The following TUSC3 variants were observed in gnomAD, a reference collection of about 807,000 sequenced individuals.
TUSC3 encodes dolichyl-diphosphooligosaccharide--protein glycosyltransferase subunit TUSC3.
TUSC3 carries 45 observed loss-of-function variants against 44.8 expected under a neutral mutation model. The observed-to-expected ratio is 1.00, with a 90% CI of 0.79 to 1.29. The LOEUF (loss-of-function observed/expected upper bound fraction) is 1.29, where lower values mean the gene tolerates loss of function less well. Ranked by LOEUF, TUSC3 falls within the 50% of genes most tolerant of loss-of-function variation. The pLI, the probability that TUSC3 is intolerant of heterozygous loss-of-function variation, is 0.00. For synonymous variants in TUSC3, 212 were observed against 152.9 expected, an observed-to-expected ratio of 1.39 and a Z score of -2.85; for missense variants, 519 against 437.9, an observed-to-expected ratio of 1.19 and a Z score of -1.65.
At chr8:15,425,299 C>A (rs187749214) in intron 1 of TUSC3, among the ~76,000 whole-genome samples, 9 of 152,184 alleles carry the variant, frequency 5.9e-5, no homozygotes, top group Non-Finnish European at 1.2e-4. Flanking sequence ...GTGTTGCCAA[C>A]CTCCACAGTT....
rs928722515 is a variant in TUSC3, at chr8:15,504,997, A to G, written n.189+21514A>G. ...TTCAAATGAGGTGCGGGCTTCCTAAACAATACTGTATCAACATCTATTAAA... is the reference window on the plus strand; with the variant it reads ...TTCAAATGAGGTGCGGGCTTCCTAAGCAATACTGTATCAACATCTATTAAA... On this transcript the variant is annotated intron_variant and non_coding_transcript_variant, in intron 2 of 5. Coordinates refer to the TUSC3 transcript ENST00000503191. 3.3e-5 allele frequency among the ~76,000 whole-genome samples: 5 copies of G among 152,084 alleles called. No individual in the cohort carries two copies. The East Asian group carries it at 9.7e-4, about 29-fold the overall frequency.
the TUSC3 span, among the ~76,000 whole-genome samples, chr8:15,773,811 C>G: frequency 6.6e-6 from 1 of 152,260 alleles, no homozygotes; most frequent in East Asian, 1.9e-4. Flanking sequence ...TGATTTTCAA[C>G]AAGAGTGCCA....
At chr8:15,833,294 A>G in the TUSC3 span, among the ~76,000 whole-genome samples, 1 of 152,188 alleles carries the variant, frequency 6.6e-6, no homozygotes, top group Non-Finnish European at 1.5e-5. Context: ...TGTGGAAAAC[A>G]ATGTGGCAAT....
At chr8:15,675,188 G>A (rs2129183890) in intron 6 of TUSC3, among the ~76,000 whole-genome samples, 1 of 152,228 alleles carries the variant, frequency 6.6e-6, no homozygotes, top group East Asian at 1.9e-4. Flanking sequence ...GTTACATAAA[G>A]AAGGGCCTGA....
At chr8:15,847,112 G>C in the TUSC3 span, among the ~76,000 whole-genome samples, 1,489 of 152,200 alleles carry the variant, frequency 9.8e-3, 33 homozygotes, top group African/African-American at 0.034. Flanking sequence ...TCTGTCCATG[G>C]ATTTCAAAGA....
intron 2 of TUSC3, among the ~76,000 whole-genome samples, chr8:15,639,260 C>T (rs541466245): frequency 1.8e-4 from 26 of 142,898 alleles, no homozygotes; most frequent in African/African-American, 5.5e-4. Context: ...GATCATGTGT[C>T]GATGCTAGAT....
At chr8:15,494,777 C>T (rs74895056) in intron 2 of TUSC3, among the ~76,000 whole-genome samples, 2,902 of 152,270 alleles carry the variant, frequency 0.019, 99 homozygotes, top group African/African-American at 0.066. Context: ...GTGAAATAGA[C>T]AATGCAGCCC....
chr8:15,699,348 TCAAAACTTGCAAAC>T (rs1809301163), intron 6 of TUSC3, among the ~76,000 whole-genome samples: 1 of 152,206 alleles, frequency 6.6e-6, no homozygotes, highest in Non-Finnish European at 1.5e-5. Context: ...ACCATAGTTC[TCAAAACTTGCAAAC>T]TTTTAGACTG....
chr8:15,436,080 G>A (rs1167777491), intron 1 of TUSC3, among the ~76,000 whole-genome samples: 1 of 152,124 alleles, frequency 6.6e-6, no homozygotes, highest in East Asian at 1.9e-4. Flanking sequence ...CACATACCTG[G>A]TACTTTGAAG....
upstream of TUSC3, among the ~76,000 whole-genome samples, chr8:15,537,971 C>A (rs952162439): frequency 6.6e-6 from 1 of 152,156 alleles, no homozygotes; most frequent in South Asian, 2.1e-4. Context: ...CAAAAATACG[C>A]AAGAGGCAAT....
chr8:15,813,390 A>C, the TUSC3 span, among the ~76,000 whole-genome samples: 2 of 10,760 alleles, frequency 1.9e-4, no homozygotes, highest in Admixed American at 1.7e-3. Context: ...ACAAACAAAC[A>C]AAAAAAAAAA....
rs536263361 is a variant in TUSC3, at chr8:15,600,978, A to G, written c.139-22102A>G. Among the ~76,000 whole-genome samples the G allele has an allele frequency of 1.3e-4, 19 of 151,588 alleles. No homozygotes were observed. The South Asian group carries it at 4.0e-3, about 32-fold the overall frequency. Reference sequence around the variant, plus strand: ...ATACTTTGTATTTAGTTAAAATAATATTTTTTTTCTCAGAAGAAATACACA... The same window carrying G: ...ATACTTTGTATTTAGTTAAAATAATGTTTTTTTTCTCAGAAGAAATACACA... On this transcript the variant is annotated intron_variant, in intron 1 of 10. Transcript: ENST00000503731.
At chr8:15,648,288 A>C in intron 2 of TUSC3, among the ~76,000 whole-genome samples, 1 of 152,136 alleles carries the variant, frequency 6.6e-6, no homozygotes, top group Non-Finnish European at 1.5e-5. Context: ...TTCCTTTTTT[A>C]TATGATATTG....
intron 1 of TUSC3, among the ~76,000 whole-genome samples, chr8:15,617,140 T>TGTGTGTGTGTGTGTGTA (rs1563136021): frequency 0.045 from 365 of 8,098 alleles, 4 homozygotes; most frequent in African/African-American, 0.07. Context: ...GTGTATATAT[T>TGTGTGTGTGTGTGTGTA]TTTTTTTTTT....
At chr8:15,648,893 G>A (rs574438042) in intron 2 of TUSC3, among the ~76,000 whole-genome samples, 50 of 152,144 alleles carry the variant, frequency 3.3e-4, no homozygotes, top group African/African-American at 1.2e-3. Flanking sequence ...GTGTTACCGT[G>A]TGAGACTTGG....
upstream of TUSC3, chr8:15,540,262 C>T (rs1801631640): frequency 4.3e-6 from 4 of 936,452 alleles, no homozygotes; most frequent in Admixed American, 4.2e-5. Flanking sequence ...GATGCTCTGT[C>T]AGTCTCCTCC....
intron 1 of TUSC3, 85 bp from the exon 2 acceptor site, chr8:15,622,995 A>G (rs1805320403): frequency 7.2e-7 from 1 of 1,380,944 alleles, no homozygotes; most frequent in Non-Finnish European, 1.0e-6. Context: ...GGAAAAAGAA[A>G]ATAAAACATT....
At chr8:15,506,943 T>C (rs930036944) in intron 2 of TUSC3, among the ~76,000 whole-genome samples, 26 of 152,366 alleles carry the variant, frequency 1.7e-4, no homozygotes, top group African/African-American at 5.3e-4. Context: ...GCTTAGATCA[T>C]GCCCTTTTTG....
chr8:15,846,747 G>A, the TUSC3 span, among the ~76,000 whole-genome samples: 12 of 152,090 alleles, frequency 7.9e-5, no homozygotes, highest in South Asian at 2.1e-4. Context: ...GAGGAATAGC[G>A]TTAGGAGAAT....
Sources: allele counts gnomAD v4.1 joint callset (sites outside exome capture counted in the v4.1 genomes callset), GRCh38; gene constraint gnomAD v4.1.1; transcripts MANE v1.5; gene names NCBI Gene and HGNC (gene_info 2026-07-23, HGNC 2026-07-21).